CCDC170: variants seen among roughly 807,000 people sequenced by gnomAD.
The protein encoded by CCDC170 is coiled-coil domain containing 170.
CCDC170 carries 69 observed loss-of-function variants against 72.6 expected under a neutral mutation model. The ratio of observed to expected loss-of-function variants is 0.95; its 90% CI spans 0.78 to 1.16. The LOEUF (loss-of-function observed/expected upper bound fraction) is 1.16, where lower values mean the gene tolerates loss of function less well. Ranked by LOEUF, CCDC170 falls within the 50% of genes most tolerant of loss-of-function variation. The pLI is 0.00. For synonymous variants in CCDC170, 300 were observed against 303.9 expected, an observed-to-expected ratio of 0.99 and a Z score of 0.13; for missense variants, 852 against 832.5, an observed-to-expected ratio of 1.02 and a Z score of -0.29.
chr6:151,613,068 A>G (rs952446193), intron 9 of CCDC170, among the ~76,000 whole-genome samples: 5 of 152,166 alleles, frequency 3.3e-5, no homozygotes, highest in Admixed American at 2.0e-4. Context: ...GCACTTTCAA[A>G]TAAGAGTTTT....
rs147617756 is a variant in CCDC170 at position 151,507,204 on chromosome 6, C to T, written c.57+13019C>T. ...AAAGCTGGGAAGAGCCTGTTGTAGCCCCTGCCCAATTTCGTAGAGAGACAG... is the reference window on the plus strand; with the variant it reads ...AAAGCTGGGAAGAGCCTGTTGTAGCTCCTGCCCAATTTCGTAGAGAGACAG... On this transcript the variant is annotated intron_variant, in intron 1 of 10. Transcript: ENST00000239374. 6.7e-3 allele frequency among the ~76,000 whole-genome samples: 1,013 copies of T among 152,174 alleles called. 4 individuals are homozygous for T. The highest frequency in any genetic ancestry group is 0.011 in the Non-Finnish European group (760 of 68,004).
chr6:151,527,138 C>T (rs1401266830), intron 1 of CCDC170, among the ~76,000 whole-genome samples: 1 of 141,756 alleles, frequency 7.1e-6, no homozygotes, highest in Non-Finnish European at 1.5e-5. Context: ...CTCAAGTGAT[C>T]CACCTGCCTC....
intron 9 of CCDC170, among the ~76,000 whole-genome samples, chr6:151,597,668 A>T (rs56232301): frequency 0.024 from 3,633 of 152,330 alleles, 147 homozygotes; most frequent in African/African-American, 0.082. Flanking sequence ...GACAGTTCCT[A>T]TATTCAAGGT....
rs193178289 is a variant in CCDC170, at chr6:151,564,298, C to T, written c.775-8876C>T. Among the ~76,000 whole-genome samples, 861 of 152,244 alleles carry T rather than the reference C, an allele frequency of 5.7e-3. 2 individuals are homozygous for T. Among genetic ancestry groups the T allele is most frequent in the Middle Eastern group, 0.01 (3 of 294 alleles). On this transcript the variant is annotated intron_variant, in intron 5 of 10. Coordinates refer to ENST00000239374, the MANE Select transcript of CCDC170 (RefSeq NM_025059.4). The stretch of plus-strand genomic sequence containing the variant: ...ATAGTGTCATTGGTGTCCATTATTT[C>T]CTCAAGAGCTTAGGGTGTGGTTGTT...
chr6:151,539,527 C>T (rs1782648303), intron 3 of CCDC170, among the ~76,000 whole-genome samples: 1 of 152,196 alleles, frequency 6.6e-6, no homozygotes, highest in African/African-American at 2.4e-5. Context: ...GTGTCTTTCA[C>T]TGTTTCTCCT....
Position 151,618,216 on chromosome 6 carries a change from T to C in CCDC170, c.*69T>C, listed in dbSNP as rs112675667. ...AATTCCCAATTTCACAAATTCCTCA[T>C]GTCTTTGAGATTTGATCAGTTTGTG... On this transcript the variant is annotated 3_prime_UTR_variant, in exon 11 of 11. Transcript: ENST00000239374. 3.0e-6 allele frequency: 4 copies of C among 1,328,268 alleles called. No homozygotes were observed. The highest frequency in any genetic ancestry group is 4.3e-6 in the Non-Finnish European group (4 of 937,072). The allele number at this position is 1,328,268 out of a possible 1,614,324, so 82.3% of individuals were successfully genotyped here.
chr6:151,539,499 A>G (rs887716204), intron 3 of CCDC170, among the ~76,000 whole-genome samples: 2 of 151,942 alleles, frequency 1.3e-5, no homozygotes, highest in Non-Finnish European at 2.9e-5. Context: ...TCTTTTTCTA[A>G]TCTTACCTTG....
At chr6:151,533,876 G>A (rs1035369708) in intron 1 of CCDC170, among the ~76,000 whole-genome samples, 1 of 152,082 alleles carries the variant, frequency 6.6e-6, no homozygotes, top group East Asian at 1.9e-4. Flanking sequence ...TAGGCTATCA[G>A]TAAATACCAC....
intron 7 of CCDC170, among the ~76,000 whole-genome samples, chr6:151,589,240 G>A (rs1471574938): frequency 6.7e-6 from 1 of 148,644 alleles, no homozygotes; most frequent in Non-Finnish European, 1.5e-5. Context: ...GGGTGACAGA[G>A]ACTCCCTCTC....
At chr6:151,580,857 C>T (rs1776369772) in intron 6 of CCDC170, among the ~76,000 whole-genome samples, 1 of 152,022 alleles carries the variant, frequency 6.6e-6, no homozygotes, top group South Asian at 2.1e-4. Flanking sequence ...GCAAGTGTCA[C>T]AATAAAGTGA....
At chr6:151,524,815 GAC>G in intron 1 of CCDC170, among the ~76,000 whole-genome samples, 1 of 151,798 alleles carries the variant, frequency 6.6e-6, no homozygotes, top group East Asian at 1.9e-4. Context: ...GTACTTTTAA[GAC>G]ATAAATGGTG....
At chr6:151,559,902 T>G (rs1337653842) in intron 5 of CCDC170, among the ~76,000 whole-genome samples, 1 of 145,682 alleles carries the variant, frequency 6.9e-6, no homozygotes, top group Non-Finnish European at 1.5e-5. Flanking sequence ...AAGAAACTTT[T>G]TATGTTGCTC....
intron 1 of CCDC170, among the ~76,000 whole-genome samples, chr6:151,508,558 C>G (rs1264581747): frequency 6.6e-6 from 1 of 151,032 alleles, no homozygotes; most frequent in Non-Finnish European, 1.5e-5. Flanking sequence ...AAAAAAACCC[C>G]AAAAATTAGC....
At position 151,547,409 on chromosome 6, in the gene CCDC170, A is replaced by G. The variant is rs117526978; in HGVS notation, c.589-895A>G. 3.9e-5 allele frequency among the ~76,000 whole-genome samples: 6 copies of G among 152,312 alleles called. No homozygotes were observed. The East Asian group carries it at 1.2e-3, about 29-fold the overall frequency. On this transcript the variant is annotated intron_variant, in intron 4 of 10. Transcript: ENST00000239374. ...AAAACAAATCAGGATGCAGGGATAG[A>G]GAGGGAAGCAAGTCACAGGTGTTGG... is the stretch of plus-strand genomic sequence containing the variant.
chr6:151,529,827 A>G (rs984117410), intron 1 of CCDC170, among the ~76,000 whole-genome samples: 1 of 152,190 alleles, frequency 6.6e-6, no homozygotes, highest in Non-Finnish European at 1.5e-5. Context: ...TTATGAGGAA[A>G]ATAAGTTTAT....
intron 10 of CCDC170, 42 bp downstream of exon 10, chr6:151,615,721 C>A: frequency 1.5e-6 from 2 of 1,372,578 alleles, no homozygotes; most frequent in Non-Finnish European, 2.1e-6. Context: ...TAGGAAATGA[C>A]AGGACAATTC....
intron 1 of CCDC170, among the ~76,000 whole-genome samples, chr6:151,529,444 G>T (rs1562272495): frequency 6.6e-6 from 1 of 152,108 alleles, no homozygotes; most frequent in East Asian, 1.9e-4. Flanking sequence ...GGATCACGAG[G>T]TCAAGAGATC....
intron 8 of CCDC170, among the ~76,000 whole-genome samples, chr6:151,595,682 T>C (rs1776610350): frequency 6.6e-6 from 1 of 151,986 alleles, no homozygotes; most frequent in Non-Finnish European, 1.5e-5. Flanking sequence ...CTGGGTGTGG[T>C]GGCATGCATC....
At chr6:151,519,926 G>T (rs114137400) in intron 1 of CCDC170, among the ~76,000 whole-genome samples, 3 of 152,082 alleles carry the variant, frequency 2.0e-5, no homozygotes, top group Non-Finnish European at 2.9e-5. Flanking sequence ...CTTGATTTTG[G>T]TGGGTTTTGG....
Sources: allele counts gnomAD v4.1 joint callset (sites outside exome capture counted in the v4.1 genomes callset), GRCh38; gene constraint gnomAD v4.1.1; transcripts MANE v1.5; gene names NCBI Gene and HGNC (gene_info 2026-07-23, HGNC 2026-07-21).